Variants in SDK1 observed in about 807,000 individuals in gnomAD.
SDK1 encodes protein sidekick-1.
A neutral mutation model predicts 245.5 loss-of-function variants in SDK1; 157 were observed. That is an observed-to-expected ratio of 0.64 (90% confidence interval 0.56 to 0.73). The LOEUF is 0.73. Among genes scored for constraint, SDK1 ranks in the 30% least tolerant of loss-of-function variants. The pLI is 0.00. For missense variants in SDK1, 3,583 were observed against 3,002.3 expected (o/e 1.19, Z -4.52); for synonymous variants, 1,647 against 1,278.5 (o/e 1.29, Z -6.15).
At chr7:3,738,142 T>G (rs1476554313) in intron 4 of SDK1, among the ~76,000 whole-genome samples, 1 of 152,222 alleles carries the variant, frequency 6.6e-6, no homozygotes, top group Non-Finnish European at 1.5e-5. Flanking sequence ...ATCGTGAATC[T>G]TCTCTCTTAT....
At position 4,017,330 on chromosome 7, in the gene SDK1, G is replaced by C. The variant is rs1348307091; in HGVS notation, c.2580G>C (p.Val860=). The C allele has an allele frequency of 1.2e-6, 2 of 1,612,798 alleles. No individual in the cohort carries two copies. The highest frequency in any genetic ancestry group is 1.1e-5 in the South Asian group (1 of 90,832). The change falls in exon 17 of 45, where the codon GTG becomes GTC. Residue 860 remains valine, a synonymous_variant. Coordinates refer to ENST00000404826, the MANE Select transcript of SDK1 (RefSeq NM_152744.4). ...GAGLGVFSRA[V]TEYTLQGVPT... ...GTCTGGGCGTCTTCAGCAGGGCAGT[G>C]ACCGAGTACACCTTGCAGGGAGGTA...
At chr7:3,710,081 A>C (rs1238033762) in intron 4 of SDK1, among the ~76,000 whole-genome samples, 1 of 152,250 alleles carries the variant, frequency 6.6e-6, no homozygotes, top group Admixed American at 6.5e-5. Context: ...TTCCTAATTA[A>C]ACCTCACATG....
chr7:3,538,122 G>C (rs1163491670), intron 1 of SDK1, among the ~76,000 whole-genome samples: 3 of 152,294 alleles, frequency 2.0e-5, no homozygotes, highest in Admixed American at 6.5e-5. Context: ...ATAAAATCCA[G>C]ATTTCTTAGC....
At chr7:4,187,841 G>A (rs1782980895) in intron 35 of SDK1, among the ~76,000 whole-genome samples, 1 of 152,166 alleles carries the variant, frequency 6.6e-6, no homozygotes, top group Admixed American at 6.5e-5. Flanking sequence ...AGTCTCAACT[G>A]TTAGAAAATT....
chr7:3,392,799 T>C (rs1050573454), intron 1 of SDK1, among the ~76,000 whole-genome samples: 1 of 152,092 alleles, frequency 6.6e-6, no homozygotes, highest in African/African-American at 2.4e-5. Context: ...ACTTAATTCC[T>C]TTTTTGGCTG....
intron 22 of SDK1, among the ~76,000 whole-genome samples, chr7:4,099,608 C>T (rs1408283266): frequency 7.9e-6 from 1 of 126,086 alleles, no homozygotes; most frequent in Non-Finnish European, 1.6e-5. Flanking sequence ...GGTACTACCT[C>T]CAGGTGAGCT....
intron 1 of SDK1, among the ~76,000 whole-genome samples, chr7:3,353,918 C>T (rs1046496100): frequency 1.2e-4 from 18 of 152,032 alleles, no homozygotes; most frequent in South Asian, 2.1e-4. Flanking sequence ...GTGAAAGTTA[C>T]GTAACTGACT....
intron 1 of SDK1, among the ~76,000 whole-genome samples, chr7:3,424,230 G>T (rs963112139): frequency 6.6e-6 from 1 of 152,040 alleles, no homozygotes; most frequent in African/African-American, 2.4e-5. Context: ...TTAATTTTAG[G>T]AATGTTGTAT....
chr7:3,621,142 G>A (rs908493650), intron 2 of SDK1, among the ~76,000 whole-genome samples: 3 of 152,108 alleles, frequency 2.0e-5, no homozygotes, highest in Non-Finnish European at 1.5e-5. Context: ...GTGATCGTAG[G>A]CAGCATTATA....
intron 1 of SDK1, among the ~76,000 whole-genome samples, chr7:3,303,690 A>G (rs1055042265): frequency 3.7e-4 from 57 of 152,318 alleles, no homozygotes; most frequent in African/African-American, 1.3e-3. Flanking sequence ...GGTTGTCACA[A>G]ATTTTAAGTT....
intron 5 of SDK1, among the ~76,000 whole-genome samples, chr7:3,846,586 C>G (rs1182752215): frequency 6.6e-6 from 1 of 152,318 alleles, no homozygotes; most frequent in East Asian, 1.9e-4. Context: ...TAAATCCTCT[C>G]TAAACATATG....
intron 4 of SDK1, among the ~76,000 whole-genome samples, chr7:3,738,685 G>A (rs1219087336): frequency 6.6e-6 from 1 of 152,076 alleles, no homozygotes; most frequent in Non-Finnish European, 1.5e-5. Context: ...CTTTCCATTT[G>A]TGTCTTCTTT....
At chr7:3,470,544 C>G (rs1358737621) in intron 1 of SDK1, among the ~76,000 whole-genome samples, 5 of 151,616 alleles carry the variant, frequency 3.3e-5, no homozygotes, top group Non-Finnish European at 5.9e-5. Context: ...CTTTGAGGTT[C>G]TTAGTCAGTA....
chr7:3,689,086 G>T (rs149447106), intron 4 of SDK1, among the ~76,000 whole-genome samples: 11 of 152,296 alleles, frequency 7.2e-5, no homozygotes, highest in South Asian at 6.2e-4. Flanking sequence ...GGTTTTTCCA[G>T]TTCTACATGT....
Position 3,619,259 on chromosome 7 carries a change from A to C in SDK1, c.458+20A>C, listed in dbSNP as rs748223398. On this transcript the variant is annotated intron_variant, in intron 2 of 44. Coordinates refer to ENST00000404826, the MANE Select transcript of SDK1 (RefSeq NM_152744.4). ...ATATAAGTAATTGATCGCTTGAAAA[A>C]ATAAGATCCCATTTCAGTTGATGTG... 6.3e-7 allele frequency: 1 copy of C among 1,588,788 alleles called. No homozygotes were observed. Among genetic ancestry groups the C allele is most frequent in the South Asian group, 1.1e-5 (1 of 90,110 alleles).
At chr7:3,749,244 C>G (rs1338293048) in intron 4 of SDK1, among the ~76,000 whole-genome samples, 1 of 152,116 alleles carries the variant, frequency 6.6e-6, no homozygotes, top group Non-Finnish European at 1.5e-5. Flanking sequence ...TCAAGCAATT[C>G]TCCTGCCTCA....
At chr7:3,809,831 G>A (rs900794747) in intron 4 of SDK1, among the ~76,000 whole-genome samples, 14 of 152,132 alleles carry the variant, frequency 9.2e-5, no homozygotes, top group African/African-American at 3.1e-4. Flanking sequence ...TGAGTGCCTC[G>A]TTCCGCAGAA....
intron 4 of SDK1, among the ~76,000 whole-genome samples, chr7:3,799,648 T>A (rs1302923632): frequency 7.0e-6 from 1 of 143,092 alleles, no homozygotes; most frequent in Admixed American, 7.6e-5. Context: ...GGGTTTGCAG[T>A]GAGCCAAAAT....
chr7:4,195,021 C>G (rs1258632581), intron 35 of SDK1, among the ~76,000 whole-genome samples: 1 of 152,158 alleles, frequency 6.6e-6, no homozygotes, highest in East Asian at 1.9e-4. Context: ...CTTGTCAGCC[C>G]TAACCCATGC....
Sources: gnomAD v4.1 joint callset for allele counts (sites outside exome capture counted in the v4.1 genomes callset) on GRCh38, gnomAD v4.1.1 for gene constraint, MANE v1.5 for transcripts, NCBI Gene and HGNC (gene_info 2026-07-23, HGNC 2026-07-21) for gene names.